KAZN: variants seen among roughly 807,000 people sequenced by gnomAD.
The protein encoded by KAZN is kazrin, periplakin interacting protein, also known as kazrin.
In KAZN, 40 loss-of-function variants were observed where a neutral mutation model predicts 87.4. That is an observed-to-expected ratio of 0.46 (90% confidence interval 0.36 to 0.60). The LOEUF is 0.60. Among genes scored for constraint, KAZN ranks in the 20% least tolerant of loss-of-function variants. The pLI is 0.00. For missense variants in KAZN, 898 were observed against 1,073.9 expected (o/e 0.84, Z 2.29); for synonymous variants, 466 against 458.3 (o/e 1.02, Z -0.22).
intron 1 of KAZN, among the ~76,000 whole-genome samples, chr1:13,955,896 G>A (rs1641525868): frequency 6.6e-6 from 1 of 152,272 alleles, no homozygotes; most frequent in African/African-American, 2.4e-5. Flanking sequence ...ATCTTCTCCA[G>A]AGGGTTACAG....
At chr1:14,416,502 C>T (rs1386497672) in intron 2 of KAZN, among the ~76,000 whole-genome samples, 1 of 152,084 alleles carries the variant, frequency 6.6e-6, no homozygotes, top group Non-Finnish European at 1.5e-5. Context: ...TTTGATAGGC[C>T]AAGGCAGGCA....
chr1:14,985,934 C>T (rs1666766930), intron 2 of KAZN, among the ~76,000 whole-genome samples: 3 of 137,112 alleles, frequency 2.2e-5, no homozygotes, highest in South Asian at 5.0e-4. Context: ...ACCCAGGAGG[C>T]GGAGGCTGCA....
At chr1:14,736,368 G>A (rs778925513) in intron 1 of KAZN, among the ~76,000 whole-genome samples, 45 of 148,802 alleles carry the variant, frequency 3.0e-4, no homozygotes, top group Non-Finnish European at 4.9e-4. Context: ...GCGTGATCTC[G>A]GCTCACTGCA....
intron 8 of KAZN, chr1:15,067,599 A>G (rs1639306262): frequency 1.0e-6 from 1 of 985,374 alleles, no homozygotes; most frequent in African/African-American, 1.7e-5. Context: ...CTTAAAAAGA[A>G]GCAAGGAGAT....
At chr1:13,897,319 A>G (rs1431617201) in intron 1 of KAZN, among the ~76,000 whole-genome samples, 1 of 152,244 alleles carries the variant, frequency 6.6e-6, no homozygotes, top group East Asian at 1.9e-4. Context: ...CATAGGAAGC[A>G]CAGAATGGGG....
At chr1:14,882,186 G>A (rs1485792646) in intron 1 of KAZN, among the ~76,000 whole-genome samples, 1 of 152,200 alleles carries the variant, frequency 6.6e-6, no homozygotes, top group Non-Finnish European at 1.5e-5. Context: ...AACTGAACAG[G>A]AAGTGTTGTT....
intron 2 of KAZN, among the ~76,000 whole-genome samples, chr1:14,195,511 T>TCTCACACACA (rs71570187): frequency 1.4e-5 from 2 of 146,190 alleles, no homozygotes; most frequent in African/African-American, 5.0e-5. Context: ...CAAAAACGGC[T>TCTCACACACA]CACACACACA....
At chr1:14,474,058 A>G (rs1668593940) in intron 2 of KAZN, among the ~76,000 whole-genome samples, 1 of 152,220 alleles carries the variant, frequency 6.6e-6, no homozygotes, top group South Asian at 2.1e-4. Flanking sequence ...CTTCATTACA[A>G]TGTAAGCTCA....
At chr1:14,851,405 A>C (rs1649421219) in intron 1 of KAZN, among the ~76,000 whole-genome samples, 1 of 151,936 alleles carries the variant, frequency 6.6e-6, no homozygotes, top group Non-Finnish European at 1.5e-5. Context: ...CAGCTGCCCC[A>C]CCGCTGCGAT....
At position 14,735,540 on chromosome 1, in the gene KAZN, C is replaced by G. The variant is rs1224473592; in HGVS notation, c.226+136317C>G. The stretch of plus-strand genomic sequence containing the variant: ...TCAAAGCCTCGCTGGTAGCCAGGCT[C>G]AGAGAGAATGTGCTAAACCCCACAC... On this transcript the variant is annotated intron_variant, in intron 1 of 14. Coordinates refer to ENST00000376030, the MANE Select transcript of KAZN (RefSeq NM_201628.3). This position sits in a 1 kb window ranked among gnomAD's most constrained non-coding sequence, Gnocchi z 4.3. 1.3e-5 allele frequency among the ~76,000 whole-genome samples: 2 copies of G among 152,138 alleles called. No individual in the cohort carries two copies. Among genetic ancestry groups the G allele is most frequent in the Non-Finnish European group, 2.9e-5 (2 of 68,028 alleles).
In KAZN at chr1:13,893,461, T is replaced by A. The variant is rs370718097; in HGVS notation, c.-205T>A. The A allele has an allele frequency of 6.9e-5, 54 of 785,514 alleles. 1 individual carries two copies. Among genetic ancestry groups the A allele is most frequent in the East Asian group, 3.4e-4 (12 of 35,010 alleles). The allele number at this position is 785,514 out of a possible 1,614,324, so 48.7% of individuals were successfully genotyped here. A position where few individuals can be genotyped will look rare whatever the true frequency, so the allele number is the denominator to read the frequency against. On this transcript the variant is annotated 5_prime_UTR_variant, in exon 1 of 17. Coordinates refer to the KAZN transcript ENST00000636203. ...CCAAGGCTTATAGGGTTTCATTTTT[T>A]ACTTGACTGGTGTTTGAGAAAAACT... is the stretch of plus-strand genomic sequence containing the variant.
chr1:14,786,279 C>T (rs925722914), intron 1 of KAZN, among the ~76,000 whole-genome samples: 17 of 152,042 alleles, frequency 1.1e-4, no homozygotes, highest in Admixed American at 8.5e-4. Flanking sequence ...AGCTCAGGCG[C>T]CTGCTCTCCC....
chr1:14,900,448 G>A (rs1025551705), intron 1 of KAZN, among the ~76,000 whole-genome samples: 7 of 152,038 alleles, frequency 4.6e-5, no homozygotes, highest in African/African-American at 7.2e-5. Flanking sequence ...CAGAAGGATC[G>A]TATGCCTGTA....
At chr1:15,095,277 G>C (rs1307172259) in intron 10 of KAZN, among the ~76,000 whole-genome samples, 4 of 152,168 alleles carry the variant, frequency 2.6e-5, no homozygotes, top group Non-Finnish European at 5.9e-5. Context: ...CCGCCATGGT[G>C]TCTGCTCCTG....
At chr1:14,179,073 C>G (rs1475488805) in intron 1 of KAZN, among the ~76,000 whole-genome samples, 1 of 152,178 alleles carries the variant, frequency 6.6e-6, no homozygotes, top group Non-Finnish European at 1.5e-5. Context: ...TCCCCTGTAA[C>G]TGTTCTTTCC....
chr1:14,211,095 G>A (rs1437233019), intron 2 of KAZN, among the ~76,000 whole-genome samples: 1 of 152,148 alleles, frequency 6.6e-6, no homozygotes, highest in Admixed American at 6.5e-5. Flanking sequence ...CTGTTTTATG[G>A]TGTTCTATTC....
chr1:14,719,356 C>T (rs948598021), intron 1 of KAZN, among the ~76,000 whole-genome samples: 5 of 152,192 alleles, frequency 3.3e-5, no homozygotes, highest in Non-Finnish European at 7.3e-5. Context: ...GGCAAAAGCC[C>T]TTGCCCTCAT....
intron 2 of KAZN, among the ~76,000 whole-genome samples, chr1:14,993,028 T>C (rs1250468068): frequency 1.3e-5 from 2 of 151,190 alleles, no homozygotes; most frequent in African/African-American, 4.9e-5. Context: ...GATTTCACCA[T>C]GTTGGCCTGG....
chr1:14,188,709 T>C lies in KAZN; in HGVS notation c.249+8117T>C, dbSNP rs374441768. ...CAATTATGTACCCATAGATTATCCA[T>C]GGGCAAAGCATTTCTTCCCTGGTGG... On this transcript the variant is annotated intron_variant, in intron 2 of 16. Coordinates refer to the KAZN transcript ENST00000636203. 5.2e-4 allele frequency among the ~76,000 whole-genome samples: 79 copies of C among 152,290 alleles called. No homozygotes were observed. The South Asian group carries it at 0.011, about 21-fold the overall frequency.
Sources: gnomAD v4.1 joint callset for allele counts (sites outside exome capture counted in the v4.1 genomes callset) on GRCh38, gnomAD v4.1.1 for gene constraint, Gnocchi (gnomAD v3.1) non-coding constraint, MANE v1.5 for transcripts, NCBI Gene and HGNC (gene_info 2026-07-23, HGNC 2026-07-21) for gene names.